The following CSMD1 variants were observed in gnomAD, a reference collection of about 807,000 sequenced individuals.
CSMD1 encodes CUB and sushi domain-containing protein 1.
CSMD1 carries 213 observed loss-of-function variants against 417.5 expected under a neutral mutation model. The observed-to-expected ratio is 0.51, with a 90% CI of 0.46 to 0.57. The LOEUF (loss-of-function observed/expected upper bound fraction) is 0.57. Among genes scored for constraint, CSMD1 ranks in the 20% least tolerant of loss-of-function variants. The pLI, the probability that CSMD1 is intolerant of heterozygous loss-of-function variation, is 0.00. For synonymous variants in CSMD1, 2,862 were observed against 1,736.8 expected (o/e 1.65, Z -16.11); for missense variants, 6,923 against 4,529.7 (o/e 1.53, Z -15.17).
intron 1 of CSMD1, among the ~76,000 whole-genome samples, chr8:4,809,494 A>C (rs1020709271): frequency 6.6e-6 from 1 of 152,172 alleles, no homozygotes; most frequent in Non-Finnish European, 1.5e-5. Context: ...TTGCCAATAG[A>C]CATGAATAAG....
chr8:4,283,610 C>A (rs1796904994), intron 3 of CSMD1, among the ~76,000 whole-genome samples: 1 of 152,130 alleles, frequency 6.6e-6, no homozygotes, highest in Non-Finnish European at 1.5e-5. Context: ...TCCTTGGGGA[C>A]ACGAAACTTT....
chr8:4,246,397 G>A (rs1802711285), intron 3 of CSMD1, among the ~76,000 whole-genome samples: 2 of 152,192 alleles, frequency 1.3e-5, no homozygotes, highest in South Asian at 2.1e-4. Context: ...TGCAGCTGCT[G>A]TTGTGAAGTT....
chr8:3,525,904 G>T (rs893939173), intron 10 of CSMD1, among the ~76,000 whole-genome samples: 1 of 152,106 alleles, frequency 6.6e-6, no homozygotes, highest in Admixed American at 6.5e-5. Flanking sequence ...AGCCAACTGG[G>T]CACCTACCAC....
intron 5 of CSMD1, among the ~76,000 whole-genome samples, chr8:3,843,641 A>G (rs1330282330): frequency 6.6e-6 from 1 of 152,222 alleles, no homozygotes; most frequent in Admixed American, 6.5e-5. Flanking sequence ...ATACCATGGA[A>G]TGCATTTTCA....
chr8:4,989,713 T>C (rs1317208366), intron 1 of CSMD1, among the ~76,000 whole-genome samples: 1 of 152,202 alleles, frequency 6.6e-6, no homozygotes, highest in Non-Finnish European at 1.5e-5. Context: ...CAGAGGCAGA[T>C]TTAAAATTCA....
At position 3,824,517 on chromosome 8, in the gene CSMD1, C is replaced by T. The variant is rs1199489385; in HGVS notation, c.819-70475G>A. Among the ~76,000 whole-genome samples, 12 of 152,164 alleles carry T rather than the reference C, an allele frequency of 7.9e-5. 1 individual carries two copies. Among genetic ancestry groups the T allele is most frequent in the Admixed American group, 7.9e-4 (12 of 15,270 alleles). ...ACTAGCCATAAGCAGCCACGACACA[C>T]TTAAAGCGTGATGAGTCTGAATTAA... On this transcript the variant is annotated intron_variant, in intron 5 of 69. Coordinates refer to ENST00000635120, the MANE Select transcript of CSMD1 (RefSeq NM_033225.6).
At chr8:3,585,507 T>C (rs940297988) in intron 9 of CSMD1, among the ~76,000 whole-genome samples, 4 of 152,230 alleles carry the variant, frequency 2.6e-5, no homozygotes, top group Non-Finnish European at 5.9e-5. Context: ...AATAATTTTC[T>C]GCTTTTCAAT....
chr8:3,506,714 G>T (rs1393864054), intron 10 of CSMD1, among the ~76,000 whole-genome samples: 5 of 152,170 alleles, frequency 3.3e-5, no homozygotes, highest in Non-Finnish European at 7.3e-5. Flanking sequence ...TAAAAGAAAG[G>T]AGGCAATGAT....
At chr8:4,208,079 T>C (rs1483533684) in intron 3 of CSMD1, among the ~76,000 whole-genome samples, 1 of 152,182 alleles carries the variant, frequency 6.6e-6, no homozygotes, top group East Asian at 1.9e-4. Flanking sequence ...ATGTGTTTAC[T>C]ATCTATTTAA....
chr8:3,868,500 G>C (rs1340125969), intron 5 of CSMD1, among the ~76,000 whole-genome samples: 2 of 152,016 alleles, frequency 1.3e-5, no homozygotes, highest in African/African-American at 4.8e-5. Flanking sequence ...CAGACACAAA[G>C]AACACTTACC....
At chr8:3,044,870 G>A (rs1014748060) in intron 50 of CSMD1, among the ~76,000 whole-genome samples, 2 of 152,108 alleles carry the variant, frequency 1.3e-5, no homozygotes, top group African/African-American at 4.8e-5. Context: ...CTTAAAAACT[G>A]TTTCATACCA....
At chr8:4,419,790 A>G (rs898217329) in intron 3 of CSMD1, among the ~76,000 whole-genome samples, 163 bp downstream of exon 3, 7 of 152,210 alleles carry the variant, frequency 4.6e-5, no homozygotes, top group East Asian at 1.9e-4. Context: ...TTTGGCGATT[A>G]TAACAGTGTT....
intron 5 of CSMD1, among the ~76,000 whole-genome samples, chr8:3,948,200 T>C (rs892053294): frequency 6.6e-6 from 1 of 151,974 alleles, no homozygotes; most frequent in South Asian, 2.1e-4. Context: ...CAAGACTCCG[T>C]CTAAATAATA....
intron 3 of CSMD1, among the ~76,000 whole-genome samples, chr8:4,168,382 G>A (rs1346828986): frequency 6.6e-6 from 1 of 151,870 alleles, no homozygotes; most frequent in Non-Finnish European, 1.5e-5. Context: ...GTGACAGAGT[G>A]AGACCCTTAC....
At chr8:4,014,240 C>T (rs888604759) in intron 4 of CSMD1, among the ~76,000 whole-genome samples, 1 of 152,118 alleles carries the variant, frequency 6.6e-6, no homozygotes, top group African/African-American at 2.4e-5. Flanking sequence ...AAAAATCTAA[C>T]AGAAGCAACA....
At chr8:3,360,025 G>A (rs270059) in intron 20 of CSMD1, among the ~76,000 whole-genome samples, 149,453 of 152,290 alleles carry the variant, frequency 0.98, 73,398 homozygotes, top group Middle Eastern at 1. Context: ...GTGCTTTTTG[G>A]TAACTAACGC....
At chr8:3,544,737 G>A (rs1798588893) in intron 10 of CSMD1, among the ~76,000 whole-genome samples, 1 of 152,140 alleles carries the variant, frequency 6.6e-6, no homozygotes, top group African/African-American at 2.4e-5. Context: ...AGACCAGGAT[G>A]CTGGGTGGAG....
intron 6 of CSMD1, among the ~76,000 whole-genome samples, chr8:3,720,629 A>T (rs1201589447): frequency 1.7e-4 from 26 of 151,386 alleles, no homozygotes; most frequent in Non-Finnish European, 3.7e-4. Flanking sequence ...TTACACACAC[A>T]CACACACACA....
At chr8:3,121,053 T>C (rs771469937) in intron 41 of CSMD1, among the ~76,000 whole-genome samples, 6 of 151,742 alleles carry the variant, frequency 4.0e-5, no homozygotes, top group African/African-American at 9.7e-5. Context: ...AAGATGTTCA[T>C]TGCAGCATTA....
Sources: gnomAD v4.1 joint callset for allele counts (sites outside exome capture counted in the v4.1 genomes callset) on GRCh38, gnomAD v4.1.1 for gene constraint, MANE v1.5 for transcripts, NCBI Gene and HGNC (gene_info 2026-07-23, HGNC 2026-07-21) for gene names.